BZW2: variants seen among roughly 807,000 people sequenced by gnomAD.
BZW2 encodes eIF5-mimic protein 1.
BZW2 carries 23 observed loss-of-function variants against 53.2 expected under a neutral mutation model. The observed-to-expected ratio is 0.43, with a 90% CI of 0.31 to 0.61. The LOEUF (loss-of-function observed/expected upper bound fraction) is 0.61, where lower values mean the gene tolerates loss of function less well. Ranked by LOEUF, BZW2 falls within the 20% of genes least tolerant of loss-of-function variation. The probability of loss-of-function intolerance (pLI) is 0.09; values close to 1 mark genes in which losing one functional copy is unlikely to be tolerated. For missense variants in BZW2, 409 were observed against 503.1 expected (o/e 0.81, Z 1.79); for synonymous variants, 227 against 186.4 (o/e 1.22, Z -1.77).
chr7:16,696,123 C>CA (rs1025414385), intron 8 of BZW2: 15 of 150,744 alleles, frequency 1.0e-4, no homozygotes, highest in East Asian at 3.9e-4. Flanking sequence ...GTGTTTCCAG[C>CA]AAAAAAGAAA....
At chr7:16,698,359 A>G in intron 10 of BZW2, 173 bp downstream of exon 10, 1 of 848,912 alleles carries the variant, frequency 1.2e-6, no homozygotes, top group Non-Finnish European at 1.8e-6. Flanking sequence ...GAGGAGGCAT[A>G]CACGCCATAT....
intron 6 of BZW2, chr7:16,686,336 G>A (rs757026050): frequency 6.7e-6 from 2 of 298,554 alleles, no homozygotes; most frequent in Non-Finnish European, 1.3e-5. Context: ...CCCCGAAATC[G>A]ATCTGGTAAT....
intron 3 of BZW2, among the ~76,000 whole-genome samples, chr7:16,677,432 C>T (rs1276709035): frequency 1.3e-5 from 2 of 152,068 alleles, no homozygotes; most frequent in Non-Finnish European, 2.9e-5. Flanking sequence ...GTGCTGTTGG[C>T]GAGGTTGGCC....
intron 2 of BZW2, among the ~76,000 whole-genome samples, chr7:16,669,039 A>G (rs1583713916): frequency 6.6e-6 from 1 of 152,318 alleles, no homozygotes; most frequent in Middle Eastern, 3.4e-3. Context: ...TAGTGAAAAC[A>G]AGAGAGAGAA....
Position 16,689,910 on chromosome 7 carries a change from A to G in BZW2, c.651+4A>G. 6.2e-7 allele frequency: 1 copy of G among 1,606,096 alleles called. No individual in the cohort carries two copies. Among genetic ancestry groups the G allele is most frequent in the Non-Finnish European group, 8.5e-7 (1 of 1,175,308 alleles). ...CAACTTAGACAAGAGGCTGCTTGTA[A>G]GTGTTTTCTGGTTAAAGAGTTGTAT... On this transcript the variant is annotated splice_donor_region_variant and intron_variant, in intron 7 of 11. Coordinates refer to ENST00000258761, the MANE Select transcript of BZW2 (RefSeq NM_014038.3).
intron 6 of BZW2, chr7:16,686,460 T>C (rs1783128523): frequency 6.0e-6 from 1 of 166,358 alleles, no homozygotes; most frequent in Non-Finnish European, 1.3e-5. Flanking sequence ...TTCATTTTGA[T>C]TGCACTTTTT....
chr7:16,660,870 G>A (rs697509), intron 1 of BZW2, among the ~76,000 whole-genome samples: 91,462 of 151,804 alleles, frequency 0.6, 28,829 homozygotes, highest in African/African-American at 0.79. Context: ...GTCCAATCTG[G>A]TCCACCACTT....
intron 3 of BZW2, among the ~76,000 whole-genome samples, chr7:16,680,801 TA>T (rs1205837564): frequency 1.3e-5 from 2 of 151,788 alleles, no homozygotes; most frequent in East Asian, 3.9e-4. Flanking sequence ...AAACCCTGTC[TA>T]AAAAATAAAA....
At chr7:16,697,627 G>C (rs774157937) in intron 9 of BZW2, among the ~76,000 whole-genome samples, 7 of 152,126 alleles carry the variant, frequency 4.6e-5, no homozygotes, top group Non-Finnish European at 1.0e-4. Context: ...GAAAGTCAAG[G>C]ATATTTCTAA....
At chr7:16,664,981 T>C (rs1782378076) in intron 1 of BZW2, among the ~76,000 whole-genome samples, 1 of 152,146 alleles carries the variant, frequency 6.6e-6, no homozygotes, top group Admixed American at 6.6e-5. Context: ...ACTTTAAAAT[T>C]TTTGCTAGTC....
At chr7:16,701,897 AAGGGATAGGACCACAG>A (rs1783680267) in intron 10 of BZW2, among the ~76,000 whole-genome samples, 1 of 152,132 alleles carries the variant, frequency 6.6e-6, no homozygotes, top group South Asian at 2.1e-4. Flanking sequence ...AGGGTGTCAG[AAGGGATAGGACCACAG>A]AGGGAGGGCA....
chr7:16,650,474 G>T lies in BZW2; in HGVS notation c.-8+4186G>T, dbSNP rs549365347. Among the ~76,000 whole-genome samples the T allele has an allele frequency of 2.6e-5, 4 of 152,262 alleles. No individual in the cohort carries two copies. In the South Asian group the frequency reaches 8.3e-4, roughly 32 times the overall value. On this transcript the variant is annotated intron_variant, in intron 1 of 11. Coordinates refer to ENST00000258761, the MANE Select transcript of BZW2 (RefSeq NM_014038.3). ...GATAAGTATTAGTCTAGGAAAATCA[G>T]GAGCAGGCCCAGGACAGGGTGTGAC...
Position 16,689,925 on chromosome 7 carries a change from A to G in BZW2, c.651+19A>G. On this transcript the variant is annotated intron_variant, in intron 7 of 11. Transcript: ENST00000258761. ...GCTGCTTGTAAGTGTTTTCTGGTTAAAGAGTTGTATGTATGATGCCTTTCT... is the reference window on the plus strand; with the variant it reads ...GCTGCTTGTAAGTGTTTTCTGGTTAGAGAGTTGTATGTATGATGCCTTTCT... 1 of 1,593,760 alleles carries G rather than the reference A, an allele frequency of 6.3e-7. No homozygotes were observed. The highest frequency in any genetic ancestry group is 8.6e-7 in the Non-Finnish European group (1 of 1,165,422).
intron 11 of BZW2, 59 bp downstream of exon 11, chr7:16,704,728 A>T (rs1452707037): frequency 7.1e-7 from 1 of 1,399,818 alleles, no homozygotes; most frequent in Non-Finnish European, 9.5e-7. Flanking sequence ...ATATGTCAAA[A>T]TATTTACCTC....
At chr7:16,656,083 G>A (rs1454649208) in intron 1 of BZW2, among the ~76,000 whole-genome samples, 1 of 149,468 alleles carries the variant, frequency 6.7e-6, no homozygotes, top group Non-Finnish European at 1.5e-5. Flanking sequence ...TCATATATAT[G>A]TGTGTGTGTG....
chr7:16,669,270 C>T (rs1014820263), intron 2 of BZW2, among the ~76,000 whole-genome samples: 2 of 152,116 alleles, frequency 1.3e-5, no homozygotes, highest in South Asian at 2.1e-4. Context: ...GGATTACAGG[C>T]GTGCACCACC....
In BZW2 at chr7:16,674,600, A is replaced by C; in HGVS notation, c.235+12A>C. ...TGGCAGTATGCTTGGTAAACCATGC[A>C]TTATCGCTTCTTGTAGTATATTTAT... On this transcript the variant is annotated intron_variant, in intron 3 of 11. Coordinates refer to ENST00000258761, the MANE Select transcript of BZW2 (RefSeq NM_014038.3). 6.4e-7 allele frequency: 1 copy of C among 1,552,992 alleles called. No homozygotes were observed. The highest frequency in any genetic ancestry group is 8.7e-7 in the Non-Finnish European group (1 of 1,149,120).
intron 2 of BZW2, 48 bp from the exon 3 acceptor site, chr7:16,674,364 A>G (rs1370878771): frequency 7.4e-7 from 1 of 1,359,080 alleles, no homozygotes; most frequent in Non-Finnish European, 1.0e-6. Context: ...TTATACTCTC[A>G]GTATTTATTT....
intron 10 of BZW2, among the ~76,000 whole-genome samples, chr7:16,700,509 A>G (rs1045121331): frequency 6.6e-6 from 1 of 152,162 alleles, no homozygotes; most frequent in Admixed American, 6.5e-5. Context: ...TCCTTTCCTA[A>G]TATGCCTAAG....
Sources: allele counts gnomAD v4.1 joint callset (sites outside exome capture counted in the v4.1 genomes callset), GRCh38; gene constraint gnomAD v4.1.1; transcripts MANE v1.5; gene names NCBI Gene and HGNC (gene_info 2026-07-23, HGNC 2026-07-21).